HERC2: variants seen among roughly 807,000 people sequenced by gnomAD.
HERC2 encodes E3 ubiquitin-protein ligase HERC2.
HERC2 carries 102 observed loss-of-function variants against 537.7 expected under a neutral mutation model. The ratio of observed to expected loss-of-function variants is 0.19; its 90% CI spans 0.16 to 0.22. The LOEUF (loss-of-function observed/expected upper bound fraction) is 0.22. HERC2 is among the 10% of genes least tolerant of loss of function. HERC2 has a pLI of 1.00. For synonymous variants in HERC2, 2,224 were observed against 2,466.2 expected, an observed-to-expected ratio of 0.90 and a Z score of 2.91; for missense variants, 4,236 against 6,198.2, an observed-to-expected ratio of 0.68 and a Z score of 10.63.
At chr15:28,181,804 G>A (rs547745279) in intron 57 of HERC2, among the ~76,000 whole-genome samples, 2 of 152,230 alleles carry the variant, frequency 1.3e-5, no homozygotes, top group African/African-American at 2.4e-5. Context: ...GATGAAGGAC[G>A]TTGTGAACAC....
intron 78 of HERC2, 118 bp from the exon 79 acceptor site, chr15:28,135,810 A>G (rs1263983823): frequency 1.4e-6 from 1 of 738,842 alleles, no homozygotes; most frequent in Non-Finnish European, 2.2e-6. Flanking sequence ...ATAAAATTTA[A>G]AGTTAAAAAT....
Position 28,163,275 on chromosome 15 carries a change from C to T in HERC2, c.10565G>A (p.Ser3522Asn). ...TMTKTKEDVESQNKAAGPEPQ... is the reference protein window; with the variant it reads ...TMTKTKEDVENQNKAAGPEPQ... ...CTCCGGACCTGCTGCTTTATTTTGGCTTTCAACATCCTAAGTCAAATGACA... is the reference window on the plus strand; with the variant it reads ...CTCCGGACCTGCTGCTTTATTTTGGTTTTCAACATCCTAAGTCAAATGACA... The change falls in exon 69 of 93, where the codon AGC becomes AAC. Residue 3522 changes from serine (S) to asparagine (N), a missense_variant. Ser to Asn is a conservative substitution (Grantham distance 46, BLOSUM62 1). Coordinates refer to ENST00000261609, the MANE Select transcript of HERC2 (RefSeq NM_004667.6). 1 of 1,612,460 alleles carries T rather than the reference C, an allele frequency of 6.2e-7. No individual in the cohort carries two copies. The highest frequency in any genetic ancestry group is 8.5e-7 in the Non-Finnish European group (1 of 1,179,798).
At position 28,133,847 on chromosome 15, in the gene HERC2, T is replaced by C. The variant is rs117772627; in HGVS notation, c.12231-1017A>G. On this transcript the variant is annotated intron_variant, in intron 79 of 92. Coordinates refer to ENST00000261609, the MANE Select transcript of HERC2 (RefSeq NM_004667.6). ...CTATTCTGCTCCATTGATGTATCTG[T>C]CTCTCTCTTTTTGCCAGCACCAAGC... Among the ~76,000 whole-genome samples, 400 of 152,314 alleles carry C rather than the reference T, an allele frequency of 2.6e-3. 2 individuals are homozygous for C. The highest frequency in any genetic ancestry group is 8.6e-3 in the Admixed American group (131 of 15,302).
intron 56 of HERC2, among the ~76,000 whole-genome samples, chr15:28,184,251 G>T (rs779417066): frequency 6.6e-6 from 1 of 152,102 alleles, no homozygotes; most frequent in Non-Finnish European, 1.5e-5. Flanking sequence ...ATGCATGTAT[G>T]TATGGGAAAC....
intron 2 of HERC2, among the ~76,000 whole-genome samples, chr15:28,303,292 T>C (rs1430008721): frequency 6.6e-6 from 1 of 152,240 alleles, no homozygotes; most frequent in Non-Finnish European, 1.5e-5. Context: ...TCCGGGCACC[T>C]CTGTCAAAGG....
At chr15:28,137,523 AT>A (rs1489335798) in intron 78 of HERC2, among the ~76,000 whole-genome samples, 1 of 152,118 alleles carries the variant, frequency 6.6e-6, no homozygotes, top group Non-Finnish European at 1.5e-5. Context: ...CTTTTTCATT[AT>A]TTTATCTGTT....
chr15:28,311,876 T>A (rs867400300), intron 2 of HERC2, among the ~76,000 whole-genome samples: 3,795 of 146,214 alleles, frequency 0.026, 24 homozygotes, highest in African/African-American at 0.097. Flanking sequence ...GTACCATTTT[T>A]AAAAAAAAAA....
chr15:28,252,566 G>A (rs770530881), intron 20 of HERC2, among the ~76,000 whole-genome samples: 9 of 152,168 alleles, frequency 5.9e-5, no homozygotes, highest in Admixed American at 2.6e-4. Flanking sequence ...AAGTAAACAC[G>A]GCTTTTATTC....
intron 30 of HERC2, among the ~76,000 whole-genome samples, chr15:28,230,853 G>C (rs1901757804): frequency 6.6e-6 from 1 of 151,990 alleles, no homozygotes; most frequent in South Asian, 2.1e-4. Flanking sequence ...TAAAGCAACA[G>C]GTGTGGCTGT....
At chr15:28,291,083 T>C (rs1193461529) in intron 4 of HERC2, among the ~76,000 whole-genome samples, 5 of 152,042 alleles carry the variant, frequency 3.3e-5, no homozygotes, top group African/African-American at 9.7e-5. Flanking sequence ...AGAGAGAAAA[T>C]ACAAGGCACA....
At position 28,265,025 on chromosome 15, in the gene HERC2, A is replaced by G. The variant is rs1288790939; in HGVS notation, c.1870+593T>C. 6.6e-6 allele frequency among the ~76,000 whole-genome samples: 1 copy of G among 152,244 alleles called. No individual in the cohort carries two copies. The highest frequency in any genetic ancestry group is 1.5e-5 in the Non-Finnish European group (1 of 68,046). ...GCCATTCAACTTCTGCAGGAGAGAAAGCAAGCTGACAGGTACCCCTGCTGA... is the reference window on the plus strand; with the variant it reads ...GCCATTCAACTTCTGCAGGAGAGAAGGCAAGCTGACAGGTACCCCTGCTGA... On this transcript the variant is annotated intron_variant, in intron 14 of 92. Coordinates refer to ENST00000261609, the MANE Select transcript of HERC2 (RefSeq NM_004667.6). The surrounding 1 kb of genome is among the most constrained non-coding windows in gnomAD (Gnocchi z 4.0).
Position 28,114,642 on chromosome 15 carries a change from G to A in HERC2, c.13883C>T (p.Ala4628Val), listed in dbSNP as rs371771613. 2.8e-5 allele frequency: 45 copies of A among 1,613,956 alleles called. No homozygotes were observed. In the African/African-American group the frequency reaches 4.1e-4, roughly 15 times the overall value. ...KHTHITLDNRAEYVRLAINYR... is the reference protein window; with the variant it reads ...KHTHITLDNRVEYVRLAINYR... The stretch of plus-strand genomic sequence containing the variant: ...GTTTATCGCCAGCCGCACGTACTCC[G>A]CGCGGTTGTCCAGGGTGATGTGTGT... The change falls in exon 90 of 93, where the codon GCG becomes GTG. Residue 4628 changes from alanine (A) to valine (V), a missense_variant. Transcript: ENST00000261609.
At chr15:28,146,097 C>T in intron 71 of HERC2, 140 bp downstream of exon 71, 1 of 635,234 alleles carries the variant, frequency 1.6e-6, no homozygotes, top group Non-Finnish European at 2.8e-6. Flanking sequence ...CACTGTGTTT[C>T]ACAGCTGAAT....
intron 23 of HERC2, 87 bp from the exon 24 acceptor site, chr15:28,238,859 A>T: frequency 3.1e-6 from 3 of 967,518 alleles, no homozygotes; most frequent in Non-Finnish European, 5.0e-6. Flanking sequence ...CTACAAGCAG[A>T]AATAAACAAA....
At chr15:28,198,149 G>A (rs1465605812) in intron 50 of HERC2, among the ~76,000 whole-genome samples, 4 of 152,070 alleles carry the variant, frequency 2.6e-5, no homozygotes, top group African/African-American at 7.2e-5. Flanking sequence ...CATTCCCCAA[G>A]GTGTGTGTTC....
At chr15:28,182,318 G>A in intron 57 of HERC2, 83 bp downstream of exon 57, 3 of 831,140 alleles carry the variant, frequency 3.6e-6, no homozygotes, top group Non-Finnish European at 6.2e-6. Flanking sequence ...AACATATAGA[G>A]AGTAAAGTTA....
intron 65 of HERC2, among the ~76,000 whole-genome samples, chr15:28,172,938 T>C (rs1894835297): frequency 1.3e-5 from 2 of 152,072 alleles, no homozygotes; most frequent in African/African-American, 2.4e-5. Context: ...TATTTAAATA[T>C]AGGAAAAGAC....
chr15:28,144,135 T>G lies in HERC2; in HGVS notation c.11241A>C (p.Arg3747Ser), dbSNP rs1184466009. The change falls in exon 73 of 93, where the codon AGA (arginine) becomes AGC (serine). Residue 3747 changes from arginine to serine, a missense_variant. Coordinates refer to ENST00000261609, the MANE Select transcript of HERC2 (RefSeq NM_004667.6). ...AGGCCGCAAGGCGAGGGACGATGCTTCTGTTAGAGGCAAGGTTGAGTCGGA... is the reference window on the plus strand; with the variant it reads ...AGGCCGCAAGGCGAGGGACGATGCTGCTGTTAGAGGCAAGGTTGAGTCGGA... The part of the protein sequence containing the change: ...LDFRLNLASN[R>S]SIVPRLAASL... 15 of 1,614,194 alleles carry G rather than the reference T, an allele frequency of 9.3e-6. No homozygotes were observed. The highest frequency in any genetic ancestry group is 1.2e-5 in the Non-Finnish European group (14 of 1,180,052).
intron 65 of HERC2, 100 bp from the exon 66 acceptor site, chr15:28,169,755 TC>T: frequency 9.0e-7 from 1 of 1,112,754 alleles, no homozygotes; most frequent in Non-Finnish European, 1.3e-6. Context: ...CACACTGCAA[TC>T]TGCATTTTGC....
Sources: gnomAD v4.1 joint callset for allele counts (sites outside exome capture counted in the v4.1 genomes callset) on GRCh38, gnomAD v4.1.1 for gene constraint, Gnocchi (gnomAD v3.1) non-coding constraint, MANE v1.5 for transcripts, NCBI Gene and HGNC (gene_info 2026-07-23, HGNC 2026-07-21) for gene names.